TRAPPC9: variants seen among roughly 807,000 people sequenced by gnomAD.
The protein encoded by TRAPPC9 is IKK2 binding protein.
TRAPPC9 carries 83 observed loss-of-function variants against 124.0 expected under a neutral mutation model. That is an observed-to-expected ratio of 0.67 (90% CI 0.56 to 0.80). The LOEUF (loss-of-function observed/expected upper bound fraction) is 0.80, where lower values mean the gene tolerates loss of function less well. TRAPPC9 is among the 30% of genes least tolerant of loss of function. TRAPPC9 has a pLI of 0.00. For synonymous variants in TRAPPC9, 638 were observed against 617.5 expected (o/e 1.03, Z -0.49); for missense variants, 1,302 against 1,508.3 (o/e 0.86, Z 2.27).
Position 140,190,280 on chromosome 8 carries a change from A to C in TRAPPC9, c.2556+31179T>G, listed in dbSNP as rs1194380027. Among the ~76,000 whole-genome samples, 3 of 152,156 alleles carry C rather than the reference A, an allele frequency of 2.0e-5. No homozygotes were observed. The East Asian group carries it at 5.8e-4, about 29-fold the overall frequency. On this transcript the variant is annotated intron_variant, in intron 17 of 22. Coordinates refer to ENST00000438773, the MANE Select transcript of TRAPPC9 (RefSeq NM_001160372.4). ...AGGCCAGCCTGACCAACATGGTGAA[A>C]CCCTGTCTCTACTAAAAATACAAAA...
chr8:140,331,013 C>T (rs2066879763), intron 9 of TRAPPC9, among the ~76,000 whole-genome samples: 1 of 151,926 alleles, frequency 6.6e-6, no homozygotes, highest in African/African-American at 2.4e-5. Flanking sequence ...ATAGCTAAGG[C>T]AATCCTGAGC....
chr8:140,376,638 G>A (rs28672258), intron 7 of TRAPPC9, among the ~76,000 whole-genome samples: 25,089 of 150,908 alleles, frequency 0.17, 2,371 homozygotes, highest in Middle Eastern at 0.37. Flanking sequence ...CACTTTGGGA[G>A]GCTAAGGCAG....
At chr8:140,035,874 C>A (rs577858316) in intron 17 of TRAPPC9, among the ~76,000 whole-genome samples, 1 of 152,192 alleles carries the variant, frequency 6.6e-6, no homozygotes, top group Non-Finnish European at 1.5e-5. Flanking sequence ...AGAAACCTGG[C>A]GTCTGGCCAC....
intron 21 of TRAPPC9, among the ~76,000 whole-genome samples, chr8:139,810,098 GAGACAGA>G (rs1225411794): frequency 6.6e-6 from 1 of 152,250 alleles, no homozygotes; most frequent in Non-Finnish European, 1.5e-5. Flanking sequence ...AACCCACAGA[GAGACAGA>G]CAGTGCCAGA....
intron 19 of TRAPPC9, among the ~76,000 whole-genome samples, chr8:139,978,576 C>T (rs1206557852): frequency 6.6e-6 from 1 of 152,174 alleles, no homozygotes; most frequent in Non-Finnish European, 1.5e-5. Flanking sequence ...TGAGAAAAAT[C>T]CACCGAGCAT....
chr8:139,994,983 TA>T (rs56297412), intron 18 of TRAPPC9, among the ~76,000 whole-genome samples: 56 of 90,842 alleles, frequency 6.2e-4, no homozygotes, highest in African/African-American at 1.3e-3. Flanking sequence ...GGTTTGTGTT[TA>T]AAAAAAAAAA....
intron 17 of TRAPPC9, among the ~76,000 whole-genome samples, chr8:140,196,017 T>C (rs12677517): frequency 2.7e-3 from 316 of 117,070 alleles, no homozygotes; most frequent in Middle Eastern, 0.011. Context: ...AGCAATCCAC[T>C]GTACAGCTCA....
intron 17 of TRAPPC9, among the ~76,000 whole-genome samples, chr8:140,143,448 G>T (rs753744126): frequency 1.3e-5 from 2 of 152,132 alleles, no homozygotes; most frequent in Non-Finnish European, 2.9e-5. Context: ...ACTTTTCTTC[G>T]TTTGGGATAT....
chr8:139,922,637 T>C (rs930837652), intron 19 of TRAPPC9, among the ~76,000 whole-genome samples: 42 of 152,164 alleles, frequency 2.8e-4, no homozygotes, highest in African/African-American at 8.2e-4. Context: ...GCAGCCTCCA[T>C]AGGAGGGCAG....
intron 21 of TRAPPC9, among the ~76,000 whole-genome samples, chr8:139,848,344 G>A (rs930749708): frequency 1.1e-4 from 17 of 152,260 alleles, no homozygotes; most frequent in Non-Finnish European, 2.4e-4. Flanking sequence ...GAAAATAGAC[G>A]AAATACACAC....
intron 2 of TRAPPC9, among the ~76,000 whole-genome samples, chr8:140,443,240 C>T (rs1167923332): frequency 2.0e-5 from 3 of 148,988 alleles, no homozygotes; most frequent in Non-Finnish European, 4.4e-5. Context: ...TCGAGACCAT[C>T]CTGGCTAACA....
At chr8:140,031,302 T>C (rs1243880546) in intron 17 of TRAPPC9, among the ~76,000 whole-genome samples, 2 of 152,226 alleles carry the variant, frequency 1.3e-5, no homozygotes, top group Non-Finnish European at 2.9e-5. Context: ...CCTTAAAACC[T>C]GAGGGTCATG....
chr8:140,056,090 A>G (rs114656068), intron 17 of TRAPPC9, among the ~76,000 whole-genome samples: 332 of 152,288 alleles, frequency 2.2e-3, no homozygotes, highest in African/African-American at 7.6e-3. Flanking sequence ...TGATTAAAAA[A>G]TGTATTGCAA....
chr8:139,781,381 C>T (rs951281769), intron 21 of TRAPPC9, among the ~76,000 whole-genome samples: 3 of 152,102 alleles, frequency 2.0e-5, no homozygotes, highest in Non-Finnish European at 1.5e-5. Flanking sequence ...TGTATTACTA[C>T]GTAAATGAAG....
chr8:139,839,685 C>T (rs1164294912), intron 21 of TRAPPC9, among the ~76,000 whole-genome samples: 1 of 152,202 alleles, frequency 6.6e-6, no homozygotes, highest in Non-Finnish European at 1.5e-5. Context: ...CCTAGGGGCG[C>T]CTACTCATCC....
intron 8 of TRAPPC9, among the ~76,000 whole-genome samples, chr8:140,362,584 TC>T (rs745760237): frequency 1.3e-5 from 2 of 152,196 alleles, no homozygotes; most frequent in Non-Finnish European, 2.9e-5. Context: ...TAGTTTATCT[TC>T]CCGACATCTT....
chr8:139,874,200 G>C (rs1442553230), intron 21 of TRAPPC9, among the ~76,000 whole-genome samples: 1 of 152,226 alleles, frequency 6.6e-6, no homozygotes, highest in Non-Finnish European at 1.5e-5. Flanking sequence ...GCGATAATAA[G>C]GGACTGTCTC....
At chr8:140,326,902 T>C (rs755616076) in intron 9 of TRAPPC9, among the ~76,000 whole-genome samples, 13 of 151,894 alleles carry the variant, frequency 8.6e-5, no homozygotes, top group Middle Eastern at 3.4e-3. Flanking sequence ...ATAAAATGTA[T>C]ATTACTTATT....
In TRAPPC9 at chr8:140,170,787, C is replaced by T. The variant is rs146102631; in HGVS notation, c.2556+50672G>A. Among the ~76,000 whole-genome samples the T allele has an allele frequency of 6.3e-4, 96 of 152,326 alleles. No homozygotes were observed. The East Asian group carries it at 0.017, about 28-fold the overall frequency. On this transcript the variant is annotated intron_variant, in intron 17 of 22. Coordinates refer to ENST00000438773, the MANE Select transcript of TRAPPC9 (RefSeq NM_001160372.4). Reference sequence around the variant, plus strand: ...ACCCTCATTTCCCTCTAGAGAACTACCCAGCTCCAGCGCTACTCCTGTGCT... The same window carrying T: ...ACCCTCATTTCCCTCTAGAGAACTATCCAGCTCCAGCGCTACTCCTGTGCT...
Sources: allele counts gnomAD v4.1 joint callset (sites outside exome capture counted in the v4.1 genomes callset), GRCh38; gene constraint gnomAD v4.1.1; transcripts MANE v1.5; gene names NCBI Gene and HGNC (gene_info 2026-07-23, HGNC 2026-07-21).